CASK: variants seen among roughly 807,000 people sequenced by gnomAD.
CASK encodes peripheral plasma membrane protein CASK.
CASK carries 4 observed loss-of-function variants against 82.9 expected under a neutral mutation model. The observed-to-expected ratio is 0.05, with a 90% CI of 0.02 to 0.11. The LOEUF (loss-of-function observed/expected upper bound fraction) is 0.11, where lower values mean the gene tolerates loss of function less well. Ranked by LOEUF, CASK falls within the 10% of genes least tolerant of loss-of-function variation. The probability of loss-of-function intolerance (pLI) is 1.00; values close to 1 mark genes in which losing one functional copy is unlikely to be tolerated. For synonymous variants in CASK, 259 were observed against 253.5 expected, an observed-to-expected ratio of 1.02 and a Z score of -0.20; for missense variants, 358 against 720.9, an observed-to-expected ratio of 0.50 and a Z score of 5.76.
chrX:41,682,047 G>T (rs1456333793), intron 5 of CASK, among the ~76,000 whole-genome samples: 8 of 87,320 alleles, frequency 9.2e-5, no homozygotes, highest in African/African-American at 3.2e-4. Flanking sequence ...CCAACATAAG[G>T]ACCATTGTAA....
chrX:41,755,479 A>C (rs1470287282), intron 3 of CASK, among the ~76,000 whole-genome samples: 1 of 112,181 alleles, frequency 8.9e-6, no homozygotes, highest in Non-Finnish European at 1.9e-5. Context: ...TAGATTAAAG[A>C]TGAAAGATTA....
At chrX:41,821,268 G>A (rs1272090170) in intron 2 of CASK, among the ~76,000 whole-genome samples, 4 of 111,679 alleles carry the variant, frequency 3.6e-5, no homozygotes, top group African/African-American at 9.8e-5. Context: ...AATAGACATC[G>A]GTGTAAGATC....
At chrX:41,900,616 T>TG (rs34493186) in intron 1 of CASK, among the ~76,000 whole-genome samples, 2 of 107,237 alleles carry the variant, frequency 1.9e-5, no homozygotes, top group Non-Finnish European at 3.9e-5. Flanking sequence ...TTTTTTTTTT[T>TG]GAGGTTTCCT....
At chrX:41,752,548 C>T (rs1185728819) in intron 3 of CASK, among the ~76,000 whole-genome samples, 1 of 111,577 alleles carries the variant, frequency 9.0e-6, no homozygotes, top group African/African-American at 3.3e-5. Flanking sequence ...GCCTCGGCCT[C>T]CCAAAATGCT....
intron 5 of CASK, among the ~76,000 whole-genome samples, chrX:41,715,426 C>T (rs762867089): frequency 8.7e-4 from 96 of 110,868 alleles, no homozygotes; most frequent in Non-Finnish European, 1.3e-3. Flanking sequence ...TTGAGACCAC[C>T]CTGGCCGACA....
In CASK at chrX:41,922,968, C is replaced by G. The variant is rs763257819; in HGVS notation, c.21G>C (p.Leu7=). Residue 7 remains leucine, a synonymous_variant, in exon 1 of 27, where the codon CTG becomes CTC. Coordinates refer to ENST00000378163, the MANE Select transcript of CASK (RefSeq NM_001367721.1). ...CGCACAGCTCGTACACATCCTCGAA[C>G]AGCACGTCGTCGTCGGCCATGGTCC... The part of the protein sequence containing the change: MADDDV[L]FEDVYELCEV... 1 of 1,211,254 alleles carries G rather than the reference C, an allele frequency of 8.3e-7. No individual in the cohort carries two copies. Among genetic ancestry groups the G allele is most frequent in the Admixed American group, 2.2e-5 (1 of 46,124 alleles).
chrX:41,863,224 T>C (rs1377561540), intron 1 of CASK, among the ~76,000 whole-genome samples: 1 of 112,056 alleles, frequency 8.9e-6, no homozygotes, highest in East Asian at 2.8e-4. Context: ...GGTCAAACAG[T>C]TAGTGGATGT....
At chrX:41,774,287 T>C (rs2069306484) in intron 3 of CASK, among the ~76,000 whole-genome samples, 1 of 111,235 alleles carries the variant, frequency 9.0e-6, no homozygotes. Flanking sequence ...AGCATTCTTA[T>C]ACACCAATAA....
At chrX:41,704,639 A>G (rs1344410468) in intron 5 of CASK, among the ~76,000 whole-genome samples, 2 of 112,195 alleles carry the variant, frequency 1.8e-5, no homozygotes, top group East Asian at 5.6e-4. Context: ...TGGCCAATGT[A>G]TACGGATTAT....
At chrX:41,862,117 C>T (rs2071502288) in intron 1 of CASK, among the ~76,000 whole-genome samples, 1 of 109,384 alleles carries the variant, frequency 9.1e-6, no homozygotes, top group Admixed American at 9.9e-5. Context: ...CTCTATGACA[C>T]ACGGACATCC....
intron 16 of CASK, chrX:41,562,005 A>G (rs1293121649): frequency 6.8e-6 from 1 of 147,765 alleles, no homozygotes; most frequent in Non-Finnish European, 1.3e-5. Flanking sequence ...GAAACTCTCC[A>G]TACCTCAGTT....
intron 9 of CASK, among the ~76,000 whole-genome samples, chrX:41,634,459 C>G (rs755026002): frequency 8.9e-6 from 1 of 112,620 alleles, no homozygotes; most frequent in South Asian, 3.7e-4. Context: ...GTGGTAAATC[C>G]ACATGACCCC....
chrX:41,567,917 G>A (rs1455346171), intron 16 of CASK, among the ~76,000 whole-genome samples: 28 of 110,760 alleles, frequency 2.5e-4, no homozygotes, highest in Non-Finnish European at 1.1e-4. Flanking sequence ...CCATAAAAAA[G>A]GATGAGTTCA....
intron 18 of CASK, chrX:41,558,173 T>G (rs1425505130): frequency 9.1e-6 from 1 of 109,768 alleles, no homozygotes; most frequent in Non-Finnish European, 1.9e-5. Context: ...AGCCTTCTTT[T>G]TTTTTTTTTG....
chrX:41,602,551 T>C (rs753411462), intron 12 of CASK, among the ~76,000 whole-genome samples: 2 of 110,666 alleles, frequency 1.8e-5, no homozygotes, highest in South Asian at 7.6e-4. Context: ...TGATATTACT[T>C]CTTCCTTTCC....
chrX:41,752,306 T>TC lies in CASK; in HGVS notation c.279-6706dup, dbSNP rs202236256. Among the ~76,000 whole-genome samples, 1,038 of 109,439 alleles carry TC rather than the reference T, an allele frequency of 9.5e-3. 13 individuals carry two copies. Among genetic ancestry groups the TC allele is most frequent in the African/African-American group, 0.032 (960 of 30,124 alleles). On this transcript the variant is annotated intron_variant, in intron 3 of 26. Coordinates refer to ENST00000378163, the MANE Select transcript of CASK (RefSeq NM_001367721.1). ...TGAAAATTAGAACTTTTTTTTTTTTTCCAAGACAGGGTCTTGCTCTGTTGC... is the reference window on the plus strand; with the variant it reads ...TGAAAATTAGAACTTTTTTTTTTTTTCCCAAGACAGGGTCTTGCTCTGTTGC...
intron 14 of CASK, among the ~76,000 whole-genome samples, chrX:41,581,654 T>C (rs1478715092): frequency 9.1e-6 from 1 of 110,137 alleles, no homozygotes; most frequent in South Asian, 3.8e-4. Flanking sequence ...TTAATATTTC[T>C]TTAAAAATAC....
chrX:41,760,886 C>A (rs931739093), intron 3 of CASK, among the ~76,000 whole-genome samples: 3 of 111,338 alleles, frequency 2.7e-5, no homozygotes, highest in African/African-American at 9.8e-5. Context: ...GACCTTTGAC[C>A]TAGTCCTACT....
rs540100788 is a variant in CASK at position 41,542,349 on chromosome X, C to T, written c.2155+342G>A. 1.8e-4 allele frequency among the ~76,000 whole-genome samples: 20 copies of T among 112,895 alleles called. No homozygotes were observed. The South Asian group carries it at 5.7e-3, about 32-fold the overall frequency. ...CAGGCGGGAGGAGATCTGTTCAAGA[C>T]CAATCCCAGCCAAGGATAGATAAGA... On this transcript the variant is annotated intron_variant, in intron 22 of 26. Transcript: ENST00000378163.
Sources: allele counts gnomAD v4.1 joint callset (sites outside exome capture counted in the v4.1 genomes callset), GRCh38; gene constraint gnomAD v4.1.1; transcripts MANE v1.5; gene names NCBI Gene and HGNC (gene_info 2026-07-23, HGNC 2026-07-21).